The following WWOX variants were observed in gnomAD, a reference collection of about 807,000 sequenced individuals.
WWOX encodes WW domain containing oxidoreductase, also known as WW domain-containing oxidoreductase.
A neutral mutation model predicts 46.2 loss-of-function variants in WWOX; 69 were observed. The observed-to-expected ratio is 1.49, with a 90% CI of 1.23 to 1.82. The LOEUF (loss-of-function observed/expected upper bound fraction) is 1.82. WWOX is among the 40% of genes most tolerant of loss of function. WWOX has a pLI of 0.00. For synonymous variants in WWOX, 359 were observed against 202.6 expected (o/e 1.77, Z -6.56); for missense variants, 919 against 542.6 (o/e 1.69, Z -6.89).
intron 8 of WWOX, among the ~76,000 whole-genome samples, chr16:78,675,212 G>A (rs1161411350): frequency 6.6e-6 from 1 of 152,072 alleles, no homozygotes; most frequent in Non-Finnish European, 1.5e-5. Flanking sequence ...GTTTCTGGAG[G>A]TGAGTGACTC....
At chr16:79,064,909 G>A (rs1369107975) in intron 8 of WWOX, among the ~76,000 whole-genome samples, 9 of 152,172 alleles carry the variant, frequency 5.9e-5, no homozygotes, top group East Asian at 3.9e-4. Context: ...TATAACGGAC[G>A]TTCTGATGGC....
intron 8 of WWOX, among the ~76,000 whole-genome samples, chr16:79,015,373 T>C (rs562779554): frequency 6.6e-6 from 1 of 152,338 alleles, no homozygotes; most frequent in South Asian, 2.1e-4. Flanking sequence ...TTTTTGATTT[T>C]TCTTGAACTC....
chr16:78,588,007 A>C (rs543502506), intron 8 of WWOX, among the ~76,000 whole-genome samples: 2 of 152,180 alleles, frequency 1.3e-5, no homozygotes, highest in African/African-American at 4.8e-5. Flanking sequence ...ATAAGATACA[A>C]ATGTGACCTG....
intron 8 of WWOX, among the ~76,000 whole-genome samples, chr16:78,647,152 G>C (rs1312089433): frequency 6.6e-6 from 1 of 152,104 alleles, no homozygotes; most frequent in Non-Finnish European, 1.5e-5. Flanking sequence ...GGTCTAGCTG[G>C]GGACATCCTT....
chr16:78,399,088 T>C (rs7187988), intron 6 of WWOX, among the ~76,000 whole-genome samples: 8,879 of 145,108 alleles, frequency 0.061, 730 homozygotes, highest in African/African-American at 0.19. Flanking sequence ...GCTAGATGGA[T>C]GGAAGGGGTG....
At chr16:78,407,788 C>T (rs536559925) in intron 6 of WWOX, among the ~76,000 whole-genome samples, 23 of 152,310 alleles carry the variant, frequency 1.5e-4, no homozygotes, top group Admixed American at 1.2e-3. Context: ...TTGATTCAAA[C>T]GTATCCATCC....
chr16:78,684,584 G>T (rs1293308966), intron 8 of WWOX, among the ~76,000 whole-genome samples: 1 of 152,152 alleles, frequency 6.6e-6, no homozygotes, highest in African/African-American at 2.4e-5. Context: ...AACATCCCTG[G>T]GGTGGAGAAG....
At chr16:78,517,147 A>G (rs1199628304) in intron 8 of WWOX, among the ~76,000 whole-genome samples, 1 of 152,314 alleles carries the variant, frequency 6.6e-6, no homozygotes, top group African/African-American at 2.4e-5. Context: ...AGAATACTAA[A>G]ATCTTACAGT....
intron 8 of WWOX, among the ~76,000 whole-genome samples, chr16:79,180,884 A>C (rs563252337): frequency 6.6e-6 from 1 of 152,324 alleles, no homozygotes; most frequent in African/African-American, 2.4e-5. Flanking sequence ...TAATTCCAAT[A>C]CTTAATAATA....
intron 8 of WWOX, among the ~76,000 whole-genome samples, chr16:79,174,940 C>G (rs148716238): frequency 6.6e-6 from 1 of 152,134 alleles, no homozygotes; most frequent in East Asian, 1.9e-4. Context: ...TAGCAGTAAC[C>G]CTGAGGACTT....
intron 5 of WWOX, among the ~76,000 whole-genome samples, chr16:78,307,826 C>G (rs747971359): frequency 1.1e-4 from 16 of 152,236 alleles, no homozygotes; most frequent in Admixed American, 2.0e-4. Context: ...TTACTCTTCT[C>G]CTTTTACTGA....
At chr16:78,542,302 T>C (rs1366616968) in intron 8 of WWOX, among the ~76,000 whole-genome samples, 2 of 152,098 alleles carry the variant, frequency 1.3e-5, no homozygotes, top group African/African-American at 4.8e-5. Context: ...AGACTTTGAC[T>C]CTAGATGACA....
At chr16:78,441,259 G>T (rs368665700) in intron 8 of WWOX, among the ~76,000 whole-genome samples, 2 of 152,126 alleles carry the variant, frequency 1.3e-5, no homozygotes, top group East Asian at 1.9e-4. Flanking sequence ...CCCTTCTCTT[G>T]ACAGTGGTGT....
chr16:78,735,671 C>A (rs914520826), intron 8 of WWOX, among the ~76,000 whole-genome samples: 1 of 152,172 alleles, frequency 6.6e-6, no homozygotes, highest in Non-Finnish European at 1.5e-5. Context: ...TTCATCTTCT[C>A]CTGGCGTCAC....
chr16:78,544,683 G>T (rs2043981993), intron 8 of WWOX, among the ~76,000 whole-genome samples: 2 of 152,042 alleles, frequency 1.3e-5, no homozygotes, highest in Admixed American at 6.6e-5. Flanking sequence ...GACCAGCCTG[G>T]GCAACAGAGC....
rs183671919 is a variant in WWOX, at chr16:78,736,789, T to G, written c.1056+304037T>G. On this transcript the variant is annotated intron_variant, in intron 8 of 8. Transcript: ENST00000566780. Reference sequence around the variant, plus strand: ...TAATTACTAAATTTTTAAAAATTTTTTTAGACACTGAGTCTCACCGTCTTG... The same window carrying G: ...TAATTACTAAATTTTTAAAAATTTTGTTAGACACTGAGTCTCACCGTCTTG... Among the ~76,000 whole-genome samples, 48 of 152,204 alleles carry G rather than the reference T, an allele frequency of 3.2e-4. No homozygotes were observed. The East Asian group carries it at 8.5e-3, about 27-fold the overall frequency.
intron 8 of WWOX, among the ~76,000 whole-genome samples, chr16:79,169,070 C>G (rs2050650327): frequency 6.6e-6 from 1 of 152,150 alleles, no homozygotes; most frequent in Non-Finnish European, 1.5e-5. Context: ...AAGGCGTGTG[C>G]TAGCTGTTTT....
At chr16:78,922,476 T>A (rs2045401406) in intron 8 of WWOX, among the ~76,000 whole-genome samples, 2 of 151,822 alleles carry the variant, frequency 1.3e-5, no homozygotes, top group African/African-American at 4.8e-5. Flanking sequence ...CCTCCCGGGT[T>A]CAAGCGATTC....
chr16:78,481,277 C>G lies in WWOX; in HGVS notation c.1056+48525C>G, dbSNP rs1173720195. ...ATCAACTCAAGACAGTTCAAAGCAG[C>G]TTGGAGCCTCTTGGATTTTAAAAAG... is the stretch of plus-strand genomic sequence containing the variant. On this transcript the variant is annotated intron_variant, in intron 8 of 8. Transcript: ENST00000566780. Among the ~76,000 whole-genome samples, 6 of 152,298 alleles carry G rather than the reference C, an allele frequency of 3.9e-5. No homozygotes were observed. The South Asian group carries it at 8.3e-4, about 21-fold the overall frequency.
Sources: allele counts gnomAD v4.1 joint callset (sites outside exome capture counted in the v4.1 genomes callset), GRCh38; gene constraint gnomAD v4.1.1; transcripts MANE v1.5; gene names NCBI Gene and HGNC (gene_info 2026-07-23, HGNC 2026-07-21).